The following CDC14A variants were observed in gnomAD, a reference collection of about 807,000 sequenced individuals.
The protein encoded by CDC14A is dual specificity protein phosphatase CDC14A.
In CDC14A, 53 loss-of-function variants were observed where a neutral mutation model predicts 74.4. The observed-to-expected ratio is 0.71, with a 90% CI of 0.57 to 0.89. CDC14A has a LOEUF of 0.89. Among genes scored for constraint, CDC14A ranks in the 40% least tolerant of loss-of-function variants. The pLI is 0.00. For synonymous variants in CDC14A, 247 were observed against 258.4 expected, an observed-to-expected ratio of 0.96 and a Z score of 0.43; for missense variants, 646 against 713.7, an observed-to-expected ratio of 0.91 and a Z score of 1.08.
intron 10 of CDC14A, among the ~76,000 whole-genome samples, chr1:100,474,501 A>G (rs1178180889): frequency 6.6e-6 from 1 of 152,094 alleles, no homozygotes; most frequent in African/African-American, 2.4e-5. Flanking sequence ...CTTAATAGAT[A>G]TAAGGCTATT....
chr1:100,503,913 A>T (rs1230869025), intron 15 of CDC14A, among the ~76,000 whole-genome samples: 1 of 152,234 alleles, frequency 6.6e-6, no homozygotes, highest in Non-Finnish European at 1.5e-5. Flanking sequence ...CTAGTCATCT[A>T]CATTGACCTT....
At chr1:100,499,473 C>T in intron 15 of CDC14A, 1 of 1,439,500 alleles carries the variant, frequency 6.9e-7, no homozygotes, top group East Asian at 2.4e-5. Flanking sequence ...GGGTTTTCTT[C>T]CTTCCTTCTT....
At chr1:100,401,977 G>A (rs1301793340) in intron 4 of CDC14A, among the ~76,000 whole-genome samples, 1 of 151,958 alleles carries the variant, frequency 6.6e-6, no homozygotes, top group Admixed American at 6.6e-5. Context: ...GGCGGAGGTT[G>A]TGGTGAGCCG....
At chr1:100,466,277 G>A (rs1179617703) in intron 9 of CDC14A, among the ~76,000 whole-genome samples, 1 of 152,162 alleles carries the variant, frequency 6.6e-6, no homozygotes, top group Non-Finnish European at 1.5e-5. Context: ...CTTGAAGGAA[G>A]AACTCTGGAA....
At chr1:100,427,094 G>A (rs936664843) in intron 5 of CDC14A, among the ~76,000 whole-genome samples, 20 of 152,086 alleles carry the variant, frequency 1.3e-4, no homozygotes, top group African/African-American at 4.3e-4. Flanking sequence ...CCATCATTGC[G>A]TTGGCCTTCA....
At chr1:100,373,395 C>T (rs575714334) in intron 2 of CDC14A, among the ~76,000 whole-genome samples, 2 of 152,286 alleles carry the variant, frequency 1.3e-5, no homozygotes, top group African/African-American at 2.4e-5. Context: ...TATCAAAGAT[C>T]ACTGACCATC....
Position 100,519,456 on chromosome 1 carries a change from C to G in CDC14A, c.*1176C>G, listed in dbSNP as rs548635978. 1.3e-5 allele frequency: 2 copies of G among 152,080 alleles called. No homozygotes were observed. Among genetic ancestry groups the G allele is most frequent in the African/African-American group, 2.4e-5 (1 of 41,418 alleles). 9.4% of individuals were successfully genotyped at this position (152,080 alleles called of 1,614,324 possible). ...TTCATTTCTATGAGGAATCGAGGAG[C>G]GTTACATCCTGATATCCTTCCAGGC... On this transcript the variant is annotated 3_prime_UTR_variant, in exon 16 of 16. Coordinates refer to ENST00000336454, the MANE Select transcript of CDC14A (RefSeq NM_003672.4).
chr1:100,436,453 C>G (rs780774201), intron 5 of CDC14A, among the ~76,000 whole-genome samples: 1 of 151,276 alleles, frequency 6.6e-6, no homozygotes, highest in Non-Finnish European at 1.5e-5. Flanking sequence ...GAGATGGAGT[C>G]TCACTCTGTT....
In CDC14A at chr1:100,443,078, T is replaced by C. The variant is rs10493926; in HGVS notation, c.519+82T>C. The C allele has an allele frequency of 5.3e-3, 4,652 of 880,212 alleles. 159 individuals carry two copies. In the African/African-American group the frequency reaches 0.07, roughly 13 times the overall value. The allele number at this position is 880,212 out of a possible 1,614,324, so 54.5% of individuals were successfully genotyped here. A position where few individuals can be genotyped will look rare whatever the true frequency, so the allele number is the denominator to read the frequency against. The stretch of plus-strand genomic sequence containing the variant: ...CCCTGTCACACTCATGTATTGCAAA[T>C]CGAGTGGGTGCTAAATAAAAGCATT... On this transcript the variant is annotated intron_variant, in intron 7 of 15. Transcript: ENST00000336454.
At chr1:100,444,811 G>A (rs11166454) in intron 7 of CDC14A, among the ~76,000 whole-genome samples, 46,431 of 152,018 alleles carry the variant, frequency 0.31, 10,292 homozygotes, top group African/African-American at 0.63. Flanking sequence ...CAAATTCCCT[G>A]TGGATGGAAT....
At chr1:100,507,579 C>G (rs1649353018) in intron 15 of CDC14A, among the ~76,000 whole-genome samples, 1 of 151,950 alleles carries the variant, frequency 6.6e-6, no homozygotes, top group African/African-American at 2.4e-5. Flanking sequence ...GGATTACAGG[C>G]TTGAGCCACC....
At chr1:100,345,217 G>A (rs1320962972) in intron 1 of CDC14A, 2 of 152,128 alleles carry the variant, frequency 1.3e-5, no homozygotes, top group Non-Finnish European at 2.9e-5. Context: ...TGTTAGCTAG[G>A]AGTCAATTAA....
chr1:100,399,846 C>T (rs1248596388), intron 4 of CDC14A, among the ~76,000 whole-genome samples: 1 of 149,284 alleles, frequency 6.7e-6, no homozygotes, highest in Non-Finnish European at 1.5e-5. Flanking sequence ...CCAGCCCAGA[C>T]CCTGACTCAA....
intron 2 of CDC14A, among the ~76,000 whole-genome samples, chr1:100,364,332 C>T (rs1653258232): frequency 6.6e-6 from 1 of 151,956 alleles, no homozygotes; most frequent in Admixed American, 6.6e-5. Flanking sequence ...CTCAGACTCC[C>T]AAGTAGCTGG....
intron 4 of CDC14A, among the ~76,000 whole-genome samples, chr1:100,417,284 T>TC: frequency 6.6e-6 from 1 of 152,178 alleles, no homozygotes; most frequent in Non-Finnish European, 1.5e-5. Context: ...CATAGGCCAT[T>TC]CCCAGCCCCC....
At chr1:100,460,482 T>C (rs1352967202) in intron 8 of CDC14A, among the ~76,000 whole-genome samples, 1 of 152,100 alleles carries the variant, frequency 6.6e-6, no homozygotes, top group Admixed American at 6.5e-5. Context: ...AGGCAGAAGC[T>C]CTCACCAGCC....
chr1:100,499,956 T>C (rs527616418), intron 15 of CDC14A, among the ~76,000 whole-genome samples: 1 of 152,252 alleles, frequency 6.6e-6, no homozygotes, highest in African/African-American at 2.4e-5. Flanking sequence ...TGGGAAGACC[T>C]CCAAACACAT....
At chr1:100,429,351 C>G (rs1663356613) in intron 5 of CDC14A, among the ~76,000 whole-genome samples, 2 of 151,808 alleles carry the variant, frequency 1.3e-5, no homozygotes, top group African/African-American at 2.4e-5. Flanking sequence ...AAAATAATGA[C>G]TAAGTCTGGA....
chr1:100,475,478 G>A (rs12074941), intron 10 of CDC14A, among the ~76,000 whole-genome samples: 2,999 of 152,240 alleles, frequency 0.02, 123 homozygotes, highest in African/African-American at 0.07. Flanking sequence ...AGTATGTTGA[G>A]ACTCTGGATC....
Sources: gnomAD v4.1 joint callset for allele counts (sites outside exome capture counted in the v4.1 genomes callset) on GRCh38, gnomAD v4.1.1 for gene constraint, MANE v1.5 for transcripts, NCBI Gene and HGNC (gene_info 2026-07-23, HGNC 2026-07-21) for gene names.